Variants in FBXO3 observed in about 807,000 individuals in gnomAD.
The protein encoded by FBXO3 is F-box only protein 3.
Under a neutral mutation model 64.8 loss-of-function variants are expected in FBXO3, and 17 were observed. The observed-to-expected ratio is 0.26, with a 90% CI of 0.18 to 0.39. The LOEUF (loss-of-function observed/expected upper bound fraction) is 0.39. Ranked by LOEUF, FBXO3 falls within the 10% of genes least tolerant of loss-of-function variation. The probability of loss-of-function intolerance (pLI) is 1.00; values close to 1 mark genes in which losing one functional copy is unlikely to be tolerated. For synonymous variants in FBXO3, 182 were observed against 201.6 expected (o/e 0.90, Z 0.82); for missense variants, 420 against 589.9 (o/e 0.71, Z 2.98).
chr11:33,758,067 G>A (rs565529061), intron 4 of FBXO3, among the ~76,000 whole-genome samples: 1 of 152,000 alleles, frequency 6.6e-6, no homozygotes, highest in African/African-American at 2.4e-5. Flanking sequence ...TTTATTTAGT[G>A]TAGTGTATGC....
chr11:33,747,832 T>A (rs189987303), intron 9 of FBXO3, among the ~76,000 whole-genome samples: 1 of 149,824 alleles, frequency 6.7e-6, no homozygotes, highest in East Asian at 2.0e-4. Context: ...TTTTTTAATG[T>A]ATTCCTCAAA....
At chr11:33,747,003 A>T in intron 10 of FBXO3, 127 bp downstream of exon 10, 1 of 1,500,646 alleles carries the variant, frequency 6.7e-7, no homozygotes, top group South Asian at 1.3e-5. Context: ...ATGACCCCCA[A>T]GATACTTTCT....
chr11:33,764,340 G>A (rs1428768511), intron 3 of FBXO3, among the ~76,000 whole-genome samples: 1 of 152,182 alleles, frequency 6.6e-6, no homozygotes, highest in African/African-American at 2.4e-5. Flanking sequence ...TGTGAAAGAG[G>A]GAAGGACTAT....
At chr11:33,767,598 C>T (rs988345710) in intron 3 of FBXO3, 4 of 152,226 alleles carry the variant, frequency 2.6e-5, no homozygotes, top group African/African-American at 9.7e-5. Context: ...CGCGCCTGGC[C>T]ACAACTTACT....
chr11:33,747,059 T>C (rs1245169959), intron 10 of FBXO3, 71 bp downstream of exon 10: 7 of 1,574,756 alleles, frequency 4.4e-6, no homozygotes, highest in African/African-American at 1.4e-5. Flanking sequence ...AACTAACTAT[T>C]TGCCTGGCTT....
intron 7 of FBXO3, among the ~76,000 whole-genome samples, 196 bp from the exon 8 acceptor site, chr11:33,750,857 C>T (rs1348804469): frequency 1.3e-5 from 2 of 152,132 alleles, no homozygotes; most frequent in Admixed American, 6.6e-5. Context: ...GACTCTGGAT[C>T]AGTAATGACA....
At chr11:33,763,336 A>G (rs927504591) in intron 3 of FBXO3, 4 of 420,978 alleles carry the variant, frequency 9.5e-6, no homozygotes, top group Admixed American at 2.6e-5. Flanking sequence ...ACTCTCATGA[A>G]CATAGATGTA....
intron 10 of FBXO3, chr11:33,746,802 A>G: frequency 7.1e-7 from 1 of 1,409,762 alleles, no homozygotes; most frequent in Middle Eastern, 2.6e-4. Context: ...TGGAAGTTTG[A>G]GCAAAAACAC....
At chr11:33,753,653 C>A (rs1855019205) in intron 6 of FBXO3, 1 of 152,142 alleles carries the variant, frequency 6.6e-6, no homozygotes, top group Non-Finnish European at 1.5e-5. Context: ...TTATGAAGTA[C>A]ACCATGAACG....
rs200082158 is a variant in FBXO3, at chr11:33,770,722, A to G, written c.194+19T>C. On this transcript the variant is annotated intron_variant, in intron 2 of 10. Coordinates refer to ENST00000265651, the MANE Select transcript of FBXO3 (RefSeq NM_012175.4). Reference sequence around the variant, plus strand: ...GCCAAGGGCCAGTTTTCAGAAGTACATATTCCTCGAATACTCACTCAGATA... The same window carrying G: ...GCCAAGGGCCAGTTTTCAGAAGTACGTATTCCTCGAATACTCACTCAGATA... The G allele has an allele frequency of 1.8e-4, 290 of 1,597,520 alleles. 2 individuals carry two copies. The highest frequency in any genetic ancestry group is 2.2e-5 in the Non-Finnish European group (26 of 1,166,392).
At chr11:33,759,648 C>A (rs1338758654) in intron 3 of FBXO3, among the ~76,000 whole-genome samples, 4 of 152,072 alleles carry the variant, frequency 2.6e-5, no homozygotes, top group African/African-American at 9.7e-5. Context: ...CCCCAAAATT[C>A]AAATTATGTC....
At chr11:33,767,026 A>AAGC (rs3042023) in intron 3 of FBXO3, among the ~76,000 whole-genome samples, 50,466 of 149,820 alleles carry the variant, frequency 0.34, 8,860 homozygotes, top group Middle Eastern at 0.53. Flanking sequence ...AAAGAAAAAC[A>AAGC]AGCAGCAGCA....
At chr11:33,753,844 T>C (rs1855024401) in intron 6 of FBXO3, 1 of 152,272 alleles carries the variant, frequency 6.6e-6, no homozygotes, top group African/African-American at 2.4e-5. Context: ...TGGAGGAATC[T>C]TCTCTGGATG....
intron 3 of FBXO3, among the ~76,000 whole-genome samples, chr11:33,761,246 C>T (rs1484842090): frequency 6.6e-6 from 1 of 152,026 alleles, no homozygotes; most frequent in Non-Finnish European, 1.5e-5. Context: ...CATGGTATAG[C>T]TCAACTCAAA....
At chr11:33,764,740 T>C (rs1247920218) in intron 3 of FBXO3, among the ~76,000 whole-genome samples, 1 of 152,140 alleles carries the variant, frequency 6.6e-6, no homozygotes, top group Non-Finnish European at 1.5e-5. Context: ...TTGGGAGGCC[T>C]ACACGGGCAG....
chr11:33,765,566 G>A (rs1855348378), intron 3 of FBXO3, among the ~76,000 whole-genome samples: 1 of 152,172 alleles, frequency 6.6e-6, no homozygotes, highest in Non-Finnish European at 1.5e-5. Flanking sequence ...TAGAATTTGG[G>A]AGGCAGAAAG....
chr11:33,763,592 G>C (rs2133615730), intron 3 of FBXO3, among the ~76,000 whole-genome samples: 1 of 130,204 alleles, frequency 7.7e-6, no homozygotes, highest in Middle Eastern at 5.7e-3. Context: ...ACTAGGATCA[G>C]AGGGACTATC....
chr11:33,746,892 C>A (rs956854544), intron 10 of FBXO3: 4 of 1,422,060 alleles, frequency 2.8e-6, no homozygotes, highest in African/African-American at 1.4e-5. Flanking sequence ...ATTTAGGCCA[C>A]TGAACAGTGA....
rs201464991 is a variant in FBXO3, at chr11:33,750,545, C to T, written c.926G>A (p.Arg309Gln). 49 of 1,613,464 alleles carry T rather than the reference C, an allele frequency of 3.0e-5. No individual in the cohort carries two copies. Among genetic ancestry groups the T allele is most frequent in the Non-Finnish European group, 4.1e-5 (48 of 1,179,662 alleles). The change falls in exon 8 of 11, where the codon CGA becomes CAA. Residue 309 changes from arginine (R) to glutamine (Q), a missense_variant. Coordinates refer to ENST00000265651, the MANE Select transcript of FBXO3 (RefSeq NM_012175.4). ...VHPPHYFFTY[R>Q]IRIEMSKDAL... is the part of the protein sequence containing the mutation. ...CCCCATTTAAAATTCTCACCTGATTCGGTATGTGAAGAAATAGTGGGGTGG... is the reference window on the plus strand; with the variant it reads ...CCCCATTTAAAATTCTCACCTGATTTGGTATGTGAAGAAATAGTGGGGTGG...
Sources: gnomAD v4.1 joint callset for allele counts (sites outside exome capture counted in the v4.1 genomes callset) on GRCh38, gnomAD v4.1.1 for gene constraint, MANE v1.5 for transcripts, NCBI Gene and HGNC (gene_info 2026-07-23, HGNC 2026-07-21) for gene names.